The following KYNU variants were observed in gnomAD, a reference collection of about 807,000 sequenced individuals.
The protein encoded by KYNU is kynureninase, also known as L-kynurenine hydrolase.
Under a neutral mutation model 59.2 loss-of-function variants are expected in KYNU, and 54 were observed. The observed-to-expected ratio is 0.91, with a 90% CI of 0.73 to 1.14. The LOEUF (loss-of-function observed/expected upper bound fraction) is 1.14, where lower values mean the gene tolerates loss of function less well. Among genes scored for constraint, KYNU ranks in the 50% most tolerant of loss-of-function variants. The pLI is 0.00. For synonymous variants in KYNU, 177 were observed against 192.0 expected (o/e 0.92, Z 0.65); for missense variants, 567 against 554.4 (o/e 1.02, Z -0.23).
intron 2 of KYNU, among the ~76,000 whole-genome samples, chr2:142,910,131 CTTTT>C (rs368644903): frequency 3.8e-5 from 4 of 105,470 alleles, no homozygotes; most frequent in Admixed American, 2.5e-4. Context: ...TGTTCTTTGC[CTTTT>C]TTTTTTTTTT....
intron 8 of KYNU, among the ~76,000 whole-genome samples, chr2:142,979,975 G>A (rs1017898092): frequency 3.3e-5 from 5 of 152,034 alleles, no homozygotes; most frequent in African/African-American, 7.2e-5. Flanking sequence ...GAGCAGCCCC[G>A]AGGACTGCTG....
intron 2 of KYNU, among the ~76,000 whole-genome samples, chr2:142,905,160 A>T (rs971345477): frequency 6.6e-6 from 1 of 152,192 alleles, no homozygotes; most frequent in African/African-American, 2.4e-5. Flanking sequence ...AAATATTGAT[A>T]TTAAGCTTTT....
At chr2:142,883,281 C>T (rs995383640) in intron 1 of KYNU, among the ~76,000 whole-genome samples, 4 of 150,056 alleles carry the variant, frequency 2.7e-5, no homozygotes, top group Admixed American at 2.7e-4. Context: ...GCAGGCTCCA[C>T]CCCCCGGGGT....
intron 8 of KYNU, among the ~76,000 whole-genome samples, chr2:142,981,256 GTGC>G (rs1685043754): frequency 6.6e-6 from 1 of 152,086 alleles, no homozygotes; most frequent in African/African-American, 2.4e-5. Flanking sequence ...GATAATGAAA[GTGC>G]TGCTTTTTCT....
intron 10 of KYNU, among the ~76,000 whole-genome samples, chr2:143,025,918 A>C (rs1236813859): frequency 6.6e-6 from 1 of 151,470 alleles, no homozygotes; most frequent in Non-Finnish European, 1.5e-5. Context: ...ATTTTAAAAA[A>C]TTAATCATTT....
chr2:142,920,416 G>C (rs1281096864), intron 3 of KYNU, among the ~76,000 whole-genome samples: 1 of 152,144 alleles, frequency 6.6e-6, no homozygotes, highest in East Asian at 1.9e-4. Context: ...TTGCCTCTTG[G>C]ATATTCATTC....
intron 2 of KYNU, among the ~76,000 whole-genome samples, chr2:142,906,598 C>CAGA (rs1682306225): frequency 2.6e-5 from 4 of 151,966 alleles, no homozygotes; most frequent in Non-Finnish European, 5.9e-5. Context: ...GAGATACAAC[C>CAGA]TACTCTAATA....
chr2:142,907,684 C>A (rs571726049), intron 2 of KYNU, among the ~76,000 whole-genome samples: 2,330 of 128,870 alleles, frequency 0.018, 64 homozygotes, highest in African/African-American at 0.06. Context: ...TGATCATTGT[C>A]CCCCCGTTGT....
At chr2:142,989,413 ATCAAAT>A in intron 10 of KYNU, 1 of 986,504 alleles carries the variant, frequency 1.0e-6, no homozygotes, top group Non-Finnish European at 1.2e-6. Context: ...TATGGAGAAC[ATCAAAT>A]ACAGTGGAAC....
intron 4 of KYNU, among the ~76,000 whole-genome samples, chr2:142,937,149 C>G (rs1277827221): frequency 6.6e-6 from 1 of 152,140 alleles, no homozygotes; most frequent in Non-Finnish European, 1.5e-5. Flanking sequence ...ACCAGGGTAG[C>G]TATCTTCTGG....
chr2:142,883,440 C>T (rs1420843534), intron 1 of KYNU, among the ~76,000 whole-genome samples: 5 of 151,926 alleles, frequency 3.3e-5, no homozygotes, highest in South Asian at 2.1e-4. Flanking sequence ...CCTCGTGATC[C>T]GCCTGCCTCT....
At chr2:142,907,275 C>T (rs1682332354) in intron 2 of KYNU, among the ~76,000 whole-genome samples, 1 of 152,110 alleles carries the variant, frequency 6.6e-6, no homozygotes, top group Non-Finnish European at 1.5e-5. Flanking sequence ...AAACTTGGGC[C>T]ATGTGGTGAG....
intron 4 of KYNU, among the ~76,000 whole-genome samples, chr2:142,949,792 T>C (rs542429598): frequency 5.3e-5 from 8 of 152,370 alleles, no homozygotes; most frequent in Admixed American, 4.6e-4. Context: ...TCGTTACTTA[T>C]GCAAATTTCT....
At chr2:143,026,600 A>C (rs1315512100) in intron 10 of KYNU, among the ~76,000 whole-genome samples, 2 of 152,230 alleles carry the variant, frequency 1.3e-5, no homozygotes, top group Non-Finnish European at 2.9e-5. Flanking sequence ...CGCACAGGTG[A>C]GCAGGTGTAG....
rs2104933194 is a variant in KYNU, at chr2:143,048,222, T to C, written c.*6050T>C. 1 of 152,304 alleles carries C rather than the reference T, an allele frequency of 6.6e-6. No homozygotes were observed. Among genetic ancestry groups the C allele is most frequent in the East Asian group, 1.9e-4 (1 of 5,190 alleles). The allele number at this position is 152,304 out of a possible 1,614,324, so 9.4% of individuals were successfully genotyped here. Reference sequence around the variant, plus strand: ...TTAGGGATGTGTGTGTGGAGGTGTATTGAGTCCGTTTTTTCTTTCTATTTG... The same window carrying C: ...TTAGGGATGTGTGTGTGGAGGTGTACTGAGTCCGTTTTTTCTTTCTATTTG... On this transcript the variant is annotated 3_prime_UTR_variant, in exon 14 of 14. Transcript: ENST00000264170.
rs959771505 is a variant in KYNU at position 142,913,054 on chromosome 2, G to C, written c.170-5555G>C. ...CAGGATTAGTTGTAATGTCATCTTT[G>C]TTGTTTCTGACTGTGCATATTTGAA... On this transcript the variant is annotated intron_variant, in intron 2 of 13. Transcript: ENST00000264170. 2.6e-5 allele frequency among the ~76,000 whole-genome samples: 4 copies of C among 152,140 alleles called. No homozygotes were observed. In the East Asian group the frequency reaches 7.7e-4, roughly 29 times the overall value.
At chr2:142,996,291 A>G (rs1685543835) in intron 10 of KYNU, among the ~76,000 whole-genome samples, 1 of 152,190 alleles carries the variant, frequency 6.6e-6, no homozygotes, top group South Asian at 2.1e-4. Context: ...GCTTGGAACA[A>G]TCAAAAGGAA....
chr2:142,998,019 T>A (rs976790868), intron 10 of KYNU, among the ~76,000 whole-genome samples: 3 of 152,186 alleles, frequency 2.0e-5, no homozygotes, highest in African/African-American at 7.2e-5. Flanking sequence ...TTGAAACTAC[T>A]TTTTTGGAAT....
At chr2:142,883,878 C>G (rs527673636) in intron 1 of KYNU, among the ~76,000 whole-genome samples, 11 of 152,272 alleles carry the variant, frequency 7.2e-5, no homozygotes, top group African/African-American at 2.6e-4. Flanking sequence ...GCTGTCCTGC[C>G]ATTACTGGGA....
Sources: gnomAD v4.1 joint callset for allele counts (sites outside exome capture counted in the v4.1 genomes callset) on GRCh38, gnomAD v4.1.1 for gene constraint, MANE v1.5 for transcripts, NCBI Gene and HGNC (gene_info 2026-07-23, HGNC 2026-07-21) for gene names.